DUOXA1: variants seen among roughly 807,000 people sequenced by gnomAD.
DUOXA1 encodes dual oxidase maturation factor 1.
In DUOXA1, 19 loss-of-function variants were observed where a neutral mutation model predicts 26.6. The observed-to-expected ratio is 0.71, with a 90% CI of 0.50 to 1.05. DUOXA1 has a LOEUF of 1.05. DUOXA1 is among the 50% of genes least tolerant of loss of function. The pLI is 0.00. For missense variants in DUOXA1, 403 were observed against 427.5 expected (o/e 0.94, Z 0.51); for synonymous variants, 166 against 177.0 (o/e 0.94, Z 0.49).
At chr15:45,119,971 G>A (rs1242983195) in intron 8 of DUOXA1, 132 bp downstream of exon 8, 8 of 956,144 alleles carry the variant, frequency 8.4e-6, no homozygotes, top group Non-Finnish European at 1.3e-5. Context: ...ATACAAGAGG[G>A]TGGGACTTTA....
chr15:45,121,050 G>A (rs762503238), intron 6 of DUOXA1, 37 bp downstream of exon 6: 2 of 1,613,254 alleles, frequency 1.2e-6, no homozygotes, highest in Non-Finnish European at 1.7e-6. Context: ...AGATGGCAGA[G>A]CCTTCCCCCC....
chr15:45,128,659 A>G (rs1449397358), intron 3 of DUOXA1, among the ~76,000 whole-genome samples: 2 of 152,192 alleles, frequency 1.3e-5, no homozygotes, highest in African/African-American at 4.8e-5. Flanking sequence ...AGATCTGAAA[A>G]GTGGATTGGA....
At chr15:45,127,934 C>A (rs1313642480) in intron 3 of DUOXA1, among the ~76,000 whole-genome samples, 2 of 152,170 alleles carry the variant, frequency 1.3e-5, no homozygotes, top group East Asian at 1.9e-4. Context: ...ACCACCCAGA[C>A]TGTCATTCTC....
chr15:45,122,123 G>C, intron 5 of DUOXA1, 62 bp downstream of exon 5: 1 of 1,533,736 alleles, frequency 6.5e-7, no homozygotes, highest in East Asian at 2.4e-5. Context: ...AGGAGATGCA[G>C]GCTGCTGAGG....
At position 45,119,118 on chromosome 15, in the gene DUOXA1, A is replaced by G. The variant is rs749481036; in HGVS notation, c.1020T>C (p.Asp340=). ...ACGGGGAGGAATGTTATAAAGCACA[A>G]TCAGGATCTTTGGGGTGTGCCTCCT... ...YCKEAHPKDP[D]CAL is the part of the protein sequence containing the mutation. The change falls in exon 9 of 9, where the codon GAT becomes GAC. Residue 340 remains aspartate (D), a synonymous_variant. Transcript: ENST00000560572. 2 of 1,589,940 alleles carry G rather than the reference A, an allele frequency of 1.3e-6. No individual in the cohort carries two copies. The highest frequency in any genetic ancestry group is 1.7e-6 in the Non-Finnish European group (2 of 1,161,376).
rs370190530 is a variant in DUOXA1 at position 45,122,151 on chromosome 15, G to A, written c.205+34C>T. ...TGCTGAGGGAGTTGAAGGGATGGAG[G>A]CAGCAGCCCAAGTCAGCTGCACTTC... On this transcript the variant is annotated intron_variant, in intron 5 of 8. Coordinates refer to ENST00000560572, the MANE Select transcript of DUOXA1 (RefSeq NM_001276266.2). 766 of 1,574,442 alleles carry A rather than the reference G, an allele frequency of 4.9e-4. 3 individuals are homozygous for A. The Middle Eastern group carries it at 5.0e-3, about 10-fold the overall frequency.
chr15:45,122,620 GC>G (rs1895335878), intron 4 of DUOXA1, among the ~76,000 whole-genome samples: 1 of 151,862 alleles, frequency 6.6e-6, no homozygotes, highest in African/African-American at 2.4e-5. Flanking sequence ...GAACTCCTGG[GC>G]TCAAGCAATC....
chr15:45,121,453 T>G (rs925981991), intron 5 of DUOXA1, among the ~76,000 whole-genome samples: 2 of 152,180 alleles, frequency 1.3e-5, no homozygotes, highest in African/African-American at 4.8e-5. Context: ...GGAGAGTCAC[T>G]CAGGGAGCTG....
Position 45,122,220 on chromosome 15 carries a change from AC to A in DUOXA1, c.169del (p.Val57TrpfsTer2). On this transcript the variant is annotated frameshift_variant, in exon 5 of 9. Transcript: ENST00000560572. LOFTEE classifies it high-confidence loss of function. Reference sequence around the variant, plus strand: ...AGCCCCGATGAATAAGCTGGTCACCACCCGAAGCAGCCAGAACAGCCTCTGA... The same window carrying A: ...AGCCCCGATGAATAAGCTGGTCACCACCGAAGCAGCCAGAACAGCCTCTGA... ...GKTRLFWLLR[V>X]VTSLFIGAAI... is the part of the protein sequence containing the mutation. The A allele has an allele frequency of 6.2e-7, 1 of 1,605,002 alleles. No homozygotes were observed. Among genetic ancestry groups the A allele is most frequent in the South Asian group, 1.1e-5 (1 of 89,042 alleles).
Position 45,118,019 on chromosome 15 carries a change from G to A in DUOXA1, c.*1087C>T. On this transcript the variant is annotated 3_prime_UTR_variant, in exon 9 of 9. Coordinates refer to ENST00000560572, the MANE Select transcript of DUOXA1 (RefSeq NM_001276266.2). ...CCAGGAAGGGCACTGAGCGCTGCTG[G>A]CGCGAGGCCTCGGACATCCGCAGGC... The A allele has an allele frequency of 6.2e-7, 1 of 1,603,356 alleles. No individual in the cohort carries two copies. Among genetic ancestry groups the A allele is most frequent in the Non-Finnish European group, 8.5e-7 (1 of 1,172,462 alleles).
intron 5 of DUOXA1, 36 bp from the exon 6 acceptor site, chr15:45,121,257 GATGACTGGGC>G (rs1437145811): frequency 6.2e-7 from 1 of 1,613,990 alleles, no homozygotes. Flanking sequence ...GGAACTCAGA[GATGACTGGGC>G]ATTACTAGGT....
intron 5 of DUOXA1, among the ~76,000 whole-genome samples, chr15:45,121,907 C>G (rs1362954843): frequency 6.6e-6 from 1 of 152,234 alleles, no homozygotes; most frequent in Admixed American, 6.5e-5. Context: ...CTGGGGCCCT[C>G]TCCCCACAGA....
chr15:45,124,254 G>A (rs1390363860), intron 3 of DUOXA1, among the ~76,000 whole-genome samples: 2 of 152,144 alleles, frequency 1.3e-5, no homozygotes, highest in Non-Finnish European at 2.9e-5. Flanking sequence ...CAAGTTACTT[G>A]ACCTTTACAG....
In DUOXA1 at chr15:45,117,870, C is replaced by T. The variant is rs1346796358; in HGVS notation, c.*1236G>A. 7 of 1,613,514 alleles carry T rather than the reference C, an allele frequency of 4.3e-6. No homozygotes were observed. The highest frequency in any genetic ancestry group is 5.9e-6 in the Non-Finnish European group (7 of 1,180,038). On this transcript the variant is annotated 3_prime_UTR_variant, in exon 9 of 9. Coordinates refer to ENST00000560572, the MANE Select transcript of DUOXA1 (RefSeq NM_001276266.2). The stretch of plus-strand genomic sequence containing the variant: ...TCGGCGACCCACTGCACAAGCAGGC[C>T]GCTCTCCCAGACTTAAAATGTATCA...
chr15:45,124,595 C>T (rs540731517), intron 3 of DUOXA1, among the ~76,000 whole-genome samples: 28 of 152,242 alleles, frequency 1.8e-4, no homozygotes, highest in African/African-American at 5.8e-4. Flanking sequence ...CTGCAACCTC[C>T]GCCTCCCAGA....
At chr15:45,125,305 C>T (rs900372443) in intron 3 of DUOXA1, among the ~76,000 whole-genome samples, 2 of 152,078 alleles carry the variant, frequency 1.3e-5, no homozygotes, top group Admixed American at 6.6e-5. Flanking sequence ...CATCAGTTGT[C>T]CCCCTTCCCA....
chr15:45,119,003 G>A lies in DUOXA1; in HGVS notation c.*103C>T, dbSNP rs1358882539. 1.3e-6 allele frequency: 2 copies of A among 1,483,626 alleles called. No homozygotes were observed. Among genetic ancestry groups the A allele is most frequent in the East Asian group, 4.6e-5 (2 of 43,076 alleles). The allele number at this position is 1,483,626 out of a possible 1,614,324, so 91.9% of individuals were successfully genotyped here. Reference sequence around the variant, plus strand: ...CTCCGTCTGTAGATTGGTGCTGGGTGTCTGGTAACAGCCACCCTGAGGGCA... The same window carrying A: ...CTCCGTCTGTAGATTGGTGCTGGGTATCTGGTAACAGCCACCCTGAGGGCA... On this transcript the variant is annotated 3_prime_UTR_variant, in exon 9 of 9. Transcript: ENST00000560572.
rs900846554 is a variant in DUOXA1 at position 45,118,879 on chromosome 15, C to T, written c.*227G>A. 21 of 1,249,464 alleles carry T rather than the reference C, an allele frequency of 1.7e-5. No homozygotes were observed. The highest frequency in any genetic ancestry group is 2.0e-5 in the Non-Finnish European group (20 of 996,142). 77.4% of individuals were successfully genotyped at this position (1,249,464 alleles called of 1,614,324 possible). ...TAGCCCCTGCTTGGCCTTATCATGG[C>T]AACAGGCTTTATGGACAGGCCCAGC... is the stretch of plus-strand genomic sequence containing the variant. On this transcript the variant is annotated 3_prime_UTR_variant, in exon 9 of 9. Transcript: ENST00000560572.
At position 45,117,960 on chromosome 15, in the gene DUOXA1, A is replaced by T. The variant is rs1424245061; in HGVS notation, c.*1146T>A. The T allele has an allele frequency of 3.6e-5, 58 of 1,612,662 alleles. No individual in the cohort carries two copies. Among genetic ancestry groups the T allele is most frequent in the Non-Finnish European group, 4.8e-5 (57 of 1,179,722 alleles). ...CCGCCTTGGGACATCGCAGGCCGGGAAGCAGTGCCCGCCAGGCCTGGGCCA... is the reference window on the plus strand; with the variant it reads ...CCGCCTTGGGACATCGCAGGCCGGGTAGCAGTGCCCGCCAGGCCTGGGCCA... On this transcript the variant is annotated 3_prime_UTR_variant, in exon 9 of 9. Transcript: ENST00000560572.
Sources: gnomAD v4.1 joint callset for allele counts (sites outside exome capture counted in the v4.1 genomes callset) on GRCh38, gnomAD v4.1.1 for gene constraint, MANE v1.5 for transcripts, NCBI Gene and HGNC (gene_info 2026-07-23, HGNC 2026-07-21) for gene names.